The following DPP10 variants were observed in gnomAD, a reference collection of about 807,000 sequenced individuals.
DPP10 encodes inactive dipeptidyl peptidase 10.
DPP10 carries 33 observed loss-of-function variants against 120.9 expected under a neutral mutation model. The observed-to-expected ratio is 0.27, with a 90% CI of 0.21 to 0.37. DPP10 has a LOEUF of 0.37. Ranked by LOEUF, DPP10 falls within the 10% of genes least tolerant of loss-of-function variation. DPP10 has a pLI of 1.00. For missense variants in DPP10, 816 were observed against 942.8 expected, an observed-to-expected ratio of 0.87 and a Z score of 1.76; for synonymous variants, 337 against 326.1, an observed-to-expected ratio of 1.03 and a Z score of -0.36.
intron 3 of DPP10, among the ~76,000 whole-genome samples, chr2:115,389,228 C>T (rs553563246): frequency 6.6e-6 from 1 of 152,030 alleles, no homozygotes; most frequent in South Asian, 2.1e-4. Flanking sequence ...AACATTCCCT[C>T]TGCCTGCAGT....
intron 1 of DPP10, among the ~76,000 whole-genome samples, chr2:114,897,315 C>T (rs1693104884): frequency 6.6e-6 from 1 of 152,102 alleles, no homozygotes. Context: ...AGAATGGTAC[C>T]AGTTCCTCCT....
intron 1 of DPP10, among the ~76,000 whole-genome samples, chr2:114,740,143 G>A (rs1484446983): frequency 2.0e-5 from 3 of 151,274 alleles, no homozygotes; most frequent in African/African-American, 7.3e-5. Flanking sequence ...TTAAGAAAAT[G>A]TGGCACATAT....
At chr2:115,313,676 A>G (rs888622078) in intron 2 of DPP10, among the ~76,000 whole-genome samples, 1 of 152,218 alleles carries the variant, frequency 6.6e-6, no homozygotes, top group African/African-American at 2.4e-5. Context: ...TTTGATTGCA[A>G]ATTTTATTAC....
chr2:115,509,532 G>A (rs1001820157), intron 4 of DPP10, among the ~76,000 whole-genome samples: 4 of 152,032 alleles, frequency 2.6e-5, no homozygotes, highest in African/African-American at 7.2e-5. Context: ...TATTTAGGGT[G>A]TCACATTTCT....
chr2:115,476,956 AAATT>A (rs1308859914), intron 3 of DPP10, among the ~76,000 whole-genome samples: 1 of 152,182 alleles, frequency 6.6e-6, no homozygotes, highest in African/African-American at 2.4e-5. Context: ...ATTTAATAAA[AAATT>A]AATACCCTTT....
At chr2:115,653,185 G>A (rs2087960726) in intron 5 of DPP10, among the ~76,000 whole-genome samples, 1 of 151,840 alleles carries the variant, frequency 6.6e-6, no homozygotes, top group South Asian at 2.1e-4. Flanking sequence ...AGTATAAGAA[G>A]CATTAAAATG....
At chr2:114,880,614 G>A (rs1302999028) in intron 1 of DPP10, among the ~76,000 whole-genome samples, 1 of 152,128 alleles carries the variant, frequency 6.6e-6, no homozygotes, top group Non-Finnish European at 1.5e-5. Flanking sequence ...TTTAAGTGGT[G>A]TGGTCAATCA....
intron 1 of DPP10, among the ~76,000 whole-genome samples, chr2:114,983,871 A>G (rs1700239452): frequency 6.6e-6 from 1 of 152,208 alleles, no homozygotes; most frequent in African/African-American, 2.4e-5. Flanking sequence ...TAAGCAATTT[A>G]CCTGTTGTCA....
intron 1 of DPP10, among the ~76,000 whole-genome samples, chr2:114,910,165 TAC>T (rs1694262172): frequency 6.6e-6 from 1 of 151,850 alleles, no homozygotes; most frequent in Admixed American, 6.6e-5. Flanking sequence ...AATAAATGTA[TAC>T]ACACACATAT....
intron 1 of DPP10, among the ~76,000 whole-genome samples, chr2:115,243,358 A>T (rs1239696029): frequency 6.6e-6 from 1 of 152,158 alleles, no homozygotes; most frequent in African/African-American, 2.4e-5. Context: ...TGCCCATGCT[A>T]TATGTCTGAA....
intron 1 of DPP10, among the ~76,000 whole-genome samples, chr2:114,504,258 A>G (rs1029864681): frequency 6.6e-6 from 1 of 152,082 alleles, no homozygotes; most frequent in Non-Finnish European, 1.5e-5. Context: ...CTCATCTTAT[A>G]TGTTACTATG....
chr2:115,618,286 C>G (rs2084680151), intron 5 of DPP10, among the ~76,000 whole-genome samples: 1 of 152,082 alleles, frequency 6.6e-6, no homozygotes, highest in African/African-American at 2.4e-5. Flanking sequence ...AGCATTTTAT[C>G]TAAAATATAC....
chr2:115,202,172 T>A (rs773613059), intron 1 of DPP10, among the ~76,000 whole-genome samples: 19 of 152,120 alleles, frequency 1.2e-4, no homozygotes, highest in Non-Finnish European at 2.1e-4. Context: ...CAAGGGATCC[T>A]CCTGCCTCAG....
chr2:115,730,880 C>T lies in DPP10; in HGVS notation c.697+2944C>T, dbSNP rs13414191. Among the ~76,000 whole-genome samples the T allele has an allele frequency of 3.9e-4, 60 of 152,202 alleles. 1 individual carries two copies. Among genetic ancestry groups the T allele is most frequent in the African/African-American group, 1.3e-3 (55 of 41,534 alleles). ...TTGCCGTTAACTAGGAAATGCTGTACGTGTATGTGATTTAATCATCAAAAT... is the reference window on the plus strand; with the variant it reads ...TTGCCGTTAACTAGGAAATGCTGTATGTGTATGTGATTTAATCATCAAAAT... On this transcript the variant is annotated intron_variant, in intron 8 of 25. Coordinates refer to ENST00000410059, the MANE Select transcript of DPP10 (RefSeq NM_020868.6).
Position 115,309,329 on chromosome 2 carries a change from A to C in DPP10, c.151A>C (p.Met51Leu), listed in dbSNP as rs751063985. The C allele has an allele frequency of 6.2e-7, 1 of 1,613,386 alleles. No homozygotes were observed. Among genetic ancestry groups the C allele is most frequent in the South Asian group, 1.1e-5 (1 of 91,042 alleles). Residue 51 changes from methionine to leucine, a missense_variant, in exon 2 of 26, where the codon ATG (methionine) becomes CTG (leucine). Transcript: ENST00000410059. ...VILVVCSLIT[M>L]SVILLTPDEL... is the part of the protein sequence containing the mutation. The stretch of plus-strand genomic sequence containing the variant: ...TTTAGTTGTATGCTCACTCATCACT[A>C]TGTCAGTCATCCTCTTAACCCCAGG...
intron 1 of DPP10, among the ~76,000 whole-genome samples, chr2:115,198,450 C>T (rs1484205650): frequency 6.6e-6 from 1 of 152,126 alleles, no homozygotes; most frequent in Non-Finnish European, 1.5e-5. Flanking sequence ...AATATTTACC[C>T]TTTAATATAA....
chr2:114,616,366 C>T (rs1693675608), intron 1 of DPP10, among the ~76,000 whole-genome samples: 1 of 152,126 alleles, frequency 6.6e-6, no homozygotes, highest in African/African-American at 2.4e-5. Context: ...CTTGAAGAGT[C>T]ATGGGAAGTT....
chr2:115,637,231 A>G (rs1347332547), intron 5 of DPP10, among the ~76,000 whole-genome samples: 3 of 152,232 alleles, frequency 2.0e-5, no homozygotes, highest in African/African-American at 7.2e-5. Context: ...GACTATATAA[A>G]GCCAAAGTAA....
intron 7 of DPP10, among the ~76,000 whole-genome samples, chr2:115,723,076 A>G (rs906512197): frequency 1.3e-5 from 2 of 152,162 alleles, no homozygotes; most frequent in African/African-American, 2.4e-5. Context: ...TTTTGCAGAA[A>G]GTAACTAGAA....
Sources: gnomAD v4.1 joint callset for allele counts (sites outside exome capture counted in the v4.1 genomes callset) on GRCh38, gnomAD v4.1.1 for gene constraint, MANE v1.5 for transcripts, NCBI Gene and HGNC (gene_info 2026-07-23, HGNC 2026-07-21) for gene names.